Variants in CASR observed in about 807,000 individuals in gnomAD.
CASR encodes the protein extracellular calcium-sensing receptor.
In CASR, 23 loss-of-function variants were observed where a neutral mutation model predicts 69.1. The observed-to-expected ratio is 0.33, with a 90% CI of 0.24 to 0.47. CASR has a LOEUF of 0.47. Ranked by LOEUF, CASR falls within the 20% of genes least tolerant of loss-of-function variation. The pLI, the probability that CASR is intolerant of heterozygous loss-of-function variation, is 1.00. For synonymous variants in CASR, 541 were observed against 544.7 expected (o/e 0.99, Z 0.10); for missense variants, 924 against 1,356.1 (o/e 0.68, Z 5.00).
chr3:122,282,070 C>T (rs987515726), intron 5 of CASR, 43 bp from the exon 6 acceptor site: 1 of 1,614,100 alleles, frequency 6.2e-7, no homozygotes, highest in African/African-American at 1.3e-5. Flanking sequence ...GGCCCCTGAC[C>T]CTACAACTAC....
At chr3:122,213,181 T>TAAA (rs2074085346) in intron 1 of CASR, among the ~76,000 whole-genome samples, 6 of 152,238 alleles carry the variant, frequency 3.9e-5, no homozygotes, top group Non-Finnish European at 8.8e-5. Context: ...TGAATGCTTT[T>TAAA]ACACCATCAC....
At chr3:122,205,214 C>T (rs767743586) in intron 1 of CASR, among the ~76,000 whole-genome samples, 25 of 152,074 alleles carry the variant, frequency 1.6e-4, no homozygotes, top group Admixed American at 2.6e-4. Flanking sequence ...AGTTTCGGGT[C>T]TTATATTTTT....
intron 4 of CASR, among the ~76,000 whole-genome samples, chr3:122,266,866 T>C (rs775965672): frequency 2.6e-5 from 4 of 152,064 alleles, no homozygotes; most frequent in Non-Finnish European, 4.4e-5. Flanking sequence ...TAGCCGGGTG[T>C]GGTGGCAGGC....
chr3:122,265,367 C>T (rs2074680744), intron 4 of CASR, among the ~76,000 whole-genome samples: 1 of 152,126 alleles, frequency 6.6e-6, no homozygotes, highest in African/African-American at 2.4e-5. Context: ...GATTTATGAG[C>T]ATACAACTCA....
intron 4 of CASR, among the ~76,000 whole-genome samples, chr3:122,262,776 G>A (rs1324493573): frequency 1.3e-5 from 2 of 152,082 alleles, no homozygotes; most frequent in Non-Finnish European, 2.9e-5. Flanking sequence ...TATTTTTTGA[G>A]TACCTATTAC....
At chr3:122,227,507 G>C (rs1472666636) in intron 1 of CASR, among the ~76,000 whole-genome samples, 1 of 152,210 alleles carries the variant, frequency 6.6e-6, no homozygotes, top group East Asian at 1.9e-4. Context: ...CCCAGAACTT[G>C]TGCTGGCCCG....
rs2107632595 is a variant in CASR at position 122,261,983 on chromosome 3, C to T, written c.948C>T (p.Gly316=). 1 of 1,614,224 alleles carries T rather than the reference C, an allele frequency of 6.2e-7. No individual in the cohort carries two copies. The highest frequency in any genetic ancestry group is 1.1e-5 in the South Asian group (1 of 91,080). ...AMPQYFHVVG[G]TIGFALKAGQ... ...CTCAGTACTTCCACGTGGTTGGCGG[C>T]ACCATTGGATTCGCTCTGAAGGCTG... The change falls in exon 4 of 7, where the codon GGC becomes GGT. Residue 316 remains glycine, a synonymous_variant. Coordinates refer to ENST00000639785, the MANE Select transcript of CASR (RefSeq NM_000388.4).
intron 1 of CASR, among the ~76,000 whole-genome samples, chr3:122,193,664 T>C (rs962453490): frequency 1.3e-5 from 2 of 152,224 alleles, no homozygotes; most frequent in East Asian, 1.9e-4. Flanking sequence ...AAAATACATA[T>C]ACCTGCTCTC....
chr3:122,197,719 C>T lies in CASR; in HGVS notation c.-243+13907C>T, dbSNP rs141523203. On this transcript the variant is annotated intron_variant, in intron 1 of 6. Transcript: ENST00000639785. ...TATTGATCTCCTAAACTCATCACAT[C>T]GCCTCCCCTTCTTTCAGGCTTCAAG... Among the ~76,000 whole-genome samples, 14 of 152,282 alleles carry T rather than the reference C, an allele frequency of 9.2e-5. 1 individual carries two copies. Among genetic ancestry groups the T allele is most frequent in the South Asian group, 8.3e-4 (4 of 4,826 alleles).
At chr3:122,251,952 T>C (rs1197447173) in intron 1 of CASR, among the ~76,000 whole-genome samples, 5 of 152,142 alleles carry the variant, frequency 3.3e-5, no homozygotes, top group African/African-American at 1.2e-4. Flanking sequence ...AGAGCAAAAC[T>C]GGAGATGAGA....
In CASR at chr3:122,284,625, C is replaced by A; in HGVS notation, c.2671C>A (p.Arg891Ser). ...GGTGGCTGCCCGGGCCACGCTGCGC[C>A]GCAGCAACGTCTCCCGCAAGCGGTC... The part of the protein sequence containing the change: ...FKVAARATLR[R>S]SNVSRKRSSS... Residue 891 changes from arginine to serine, a missense_variant, in exon 7 of 7, where the codon CGC becomes AGC. By Grantham distance (110) the Arg-to-Ser change is moderately radical. Transcript: ENST00000639785. 6.2e-7 allele frequency: 1 copy of A among 1,614,026 alleles called. No individual in the cohort carries two copies. Among genetic ancestry groups the A allele is most frequent in the Non-Finnish European group, 8.5e-7 (1 of 1,179,978 alleles).
chr3:122,199,687 C>T (rs1466101495), intron 1 of CASR, among the ~76,000 whole-genome samples: 3 of 151,872 alleles, frequency 2.0e-5, no homozygotes, highest in Admixed American at 6.6e-5. Flanking sequence ...AGACTGATTT[C>T]GTAGAAGTAA....
intron 1 of CASR, among the ~76,000 whole-genome samples, chr3:122,200,724 C>A (rs1174483608): frequency 6.6e-6 from 1 of 152,064 alleles, no homozygotes; most frequent in East Asian, 1.9e-4. Flanking sequence ...GGCACATGTA[C>A]AAAAGTCTCT....
chr3:122,235,755 A>G (rs1179807653), intron 1 of CASR, among the ~76,000 whole-genome samples: 1 of 152,186 alleles, frequency 6.6e-6, no homozygotes, highest in Non-Finnish European at 1.5e-5. Context: ...TGATCATGGC[A>G]CTGCACTCCA....
At chr3:122,261,420 T>A in intron 3 of CASR, 108 bp from the exon 4 acceptor site, 2 of 933,186 alleles carry the variant, frequency 2.1e-6, no homozygotes, top group Non-Finnish European at 3.5e-6. Context: ...AGTTGATAAA[T>A]GAGACCAAGG....
intron 1 of CASR, among the ~76,000 whole-genome samples, chr3:122,230,554 C>A (rs6768109): frequency 1.3e-5 from 2 of 152,056 alleles, no homozygotes; most frequent in African/African-American, 4.8e-5. Context: ...AACAGGGCAG[C>A]GGCTGAACCC....
rs1445251048 is a variant in CASR at position 122,262,416 on chromosome 3, C to T, written c.1377+4C>T. On this transcript the variant is annotated splice_donor_region_variant and intron_variant, in intron 4 of 6. Transcript: ENST00000639785. ...CAAGAAAGTTGAGGCGTGGCAGGTG[C>T]GTCCTTCACTTATATAGCAATTTGC... is the stretch of plus-strand genomic sequence containing the variant. The T allele has an allele frequency of 6.2e-7, 1 of 1,609,894 alleles. No homozygotes were observed. The highest frequency in any genetic ancestry group is 8.5e-7 in the Non-Finnish European group (1 of 1,179,716).
intron 1 of CASR, among the ~76,000 whole-genome samples, chr3:122,209,790 A>C (rs931708749): frequency 6.6e-6 from 1 of 152,200 alleles, no homozygotes; most frequent in Non-Finnish European, 1.5e-5. Context: ...ACAACAAAAA[A>C]AGAAAACTTC....
intron 1 of CASR, among the ~76,000 whole-genome samples, chr3:122,243,671 A>C (rs9784249): frequency 1.0e-3 from 156 of 152,226 alleles, no homozygotes; most frequent in African/African-American, 3.4e-3. Context: ...TCCCACTGCT[A>C]GGTATATATA....
Sources: allele counts gnomAD v4.1 joint callset (sites outside exome capture counted in the v4.1 genomes callset), GRCh38; gene constraint gnomAD v4.1.1; transcripts MANE v1.5; gene names NCBI Gene and HGNC (gene_info 2026-07-23, HGNC 2026-07-21).